The following TMC6 variants were observed in gnomAD, a reference collection of about 807,000 sequenced individuals.
TMC6 encodes transmembrane channel-like protein 6.
Under a neutral mutation model 95.4 loss-of-function variants are expected in TMC6, and 71 were observed. The ratio of observed to expected loss-of-function variants is 0.74; its 90% CI spans 0.61 to 0.91. The LOEUF (loss-of-function observed/expected upper bound fraction) is 0.91. Among genes scored for constraint, TMC6 ranks in the 40% least tolerant of loss-of-function variants. TMC6 has a pLI of 0.00. For missense variants in TMC6, 1,074 were observed against 1,079.1 expected (o/e 1.00, Z 0.07); for synonymous variants, 514 against 483.1 (o/e 1.06, Z -0.84).
Position 78,124,727 on chromosome 17 carries a change from A to G in TMC6, c.688T>C (p.Trp230Arg). 1 of 1,591,048 alleles carries G rather than the reference A, an allele frequency of 6.3e-7. No homozygotes were observed. Among genetic ancestry groups the G allele is most frequent in the Non-Finnish European group, 8.6e-7 (1 of 1,169,358 alleles). Residue 230 changes from tryptophan (W) to arginine (R), a missense_variant, in exon 8 of 20, where the codon TGG (tryptophan) becomes CGG (arginine). Trp to Arg is a moderately radical substitution (Grantham distance 101). Coordinates refer to ENST00000590602, the MANE Select transcript of TMC6 (RefSeq NM_001127198.5). ...CCGATGCGCTTCAGGGCGTAGCGCC[A>G]CGGCATCAGGGCCTGCAGGGCGGAG... The part of the protein sequence containing the change: ...LLSALQALMP[W>R]RYALKRIGGQ...
At chr17:78,120,607 C>T (rs2074365370) in intron 13 of TMC6, 46 bp downstream of exon 13, 3 of 1,612,672 alleles carry the variant, frequency 1.9e-6, no homozygotes, top group Non-Finnish European at 2.5e-6. Flanking sequence ...GTCCCGGCCA[C>T]TAAGGGGAGA....
rs2073758749 is a variant in TMC6, at chr17:78,108,742, C to G, written c.*4406G>C. ...TTTCCACCCATGGGTGAAAAAGAGG[C>G]TTGAGGAAGACAACAGGTTCTTCAC... is the stretch of plus-strand genomic sequence containing the variant. On this transcript the variant is annotated 3_prime_UTR_variant, in exon 20 of 20. Coordinates refer to ENST00000590602, the MANE Select transcript of TMC6 (RefSeq NM_001127198.5). The G allele has an allele frequency of 6.5e-6, 1 of 153,426 alleles. No homozygotes were observed. The highest frequency in any genetic ancestry group is 2.1e-4 in the South Asian group (1 of 4,874). The allele number at this position is 153,426 out of a possible 1,614,324, so 9.5% of individuals were successfully genotyped here. A position where few individuals can be genotyped will look rare whatever the true frequency, so the allele number is the denominator to read the frequency against.
chr17:78,123,862 T>G, intron 9 of TMC6, 127 bp downstream of exon 9: 1 of 1,263,446 alleles, frequency 7.9e-7, no homozygotes, highest in East Asian at 2.5e-5. Context: ...GATAGGTGAG[T>G]GGATGAGAGC....
At chr17:78,131,934 C>A, upstream of TMC6, 1 of 1,504,158 alleles carries the variant, frequency 6.6e-7, no homozygotes, top group Non-Finnish European at 8.8e-7. Flanking sequence ...GCGGTGGCAG[C>A]GCCGGCGGCA....
Position 78,117,899 on chromosome 17 carries a change from G to A in TMC6, c.1924C>T (p.Pro642Ser). Reference protein sequence around the residue: ...LLANCQAPRRPWLASHMSTVF... With the variant: ...LLANCQAPRRSWLASHMSTVF... ...GTGCTCATGTGTGAGGCCAGCCAGG[G>A]CCGGCGCGGCGCCTGGCAGTTGGCC... Residue 642 changes from proline (P) to serine (S), a missense_variant, in exon 16 of 20, where the codon CCC (proline) becomes TCC (serine). Pro to Ser is a moderately conservative substitution (Grantham distance 74). Coordinates refer to ENST00000590602, the MANE Select transcript of TMC6 (RefSeq NM_001127198.5). The A allele has an allele frequency of 6.2e-7, 1 of 1,604,978 alleles. No individual in the cohort carries two copies. Among genetic ancestry groups the A allele is most frequent in the East Asian group, 2.2e-5 (1 of 44,566 alleles).
In TMC6 at chr17:78,108,821, C is replaced by A. The variant is rs1271774671; in HGVS notation, c.*4327G>T. The A allele has an allele frequency of 6.6e-6, 1 of 152,000 alleles. No individual in the cohort carries two copies. Among genetic ancestry groups the A allele is most frequent in the Admixed American group, 6.6e-5 (1 of 15,264 alleles). 9.4% of individuals were successfully genotyped at this position (152,000 alleles called of 1,614,324 possible). On this transcript the variant is annotated 3_prime_UTR_variant, in exon 20 of 20. Coordinates refer to ENST00000590602, the MANE Select transcript of TMC6 (RefSeq NM_001127198.5). ...GTTTATTAAATTTTTTTTTAAATGG[C>A]AGTTTCAGACCTGCCCTTTGTGGTT...
In TMC6 at chr17:78,125,762, C is replaced by T. The variant is rs746535494; in HGVS notation, c.394G>A (p.Asp132Asn). 22 of 1,568,290 alleles carry T rather than the reference C, an allele frequency of 1.4e-5. No homozygotes were observed. The highest frequency in any genetic ancestry group is 3.7e-5 in the Admixed American group (2 of 54,062). The stretch of plus-strand genomic sequence containing the variant: ...AGGGCCGTGGGGTCCAGCTCCAGGT[C>T]GTACAGGCGGAGGCTGGGCCAGGCG... ...RSAWPSLRLY[D>N]LELDPTALEE... Residue 132 changes from aspartate (D) to asparagine (N), a missense_variant, in exon 5 of 20, where the codon GAC becomes AAC. Transcript: ENST00000590602.
Position 78,122,146 on chromosome 17 carries a change from G to T in TMC6, c.1228-435C>A, listed in dbSNP as rs988376460. Among the ~76,000 whole-genome samples the T allele has an allele frequency of 6.6e-6, 1 of 152,144 alleles. No homozygotes were observed. Among genetic ancestry groups the T allele is most frequent in the African/African-American group, 2.4e-5 (1 of 41,448 alleles). ...ACAGAACCCCAGAAAGGCAGAGAAT[G>T]TTCCACGAGGCCCGGCTCTGCAGCC... is the stretch of plus-strand genomic sequence containing the variant. On this transcript the variant is annotated intron_variant, in intron 10 of 19. Coordinates refer to ENST00000590602, the MANE Select transcript of TMC6 (RefSeq NM_001127198.5). The surrounding 1 kb of genome is among the most constrained non-coding windows in gnomAD (Gnocchi z 4.9).
Position 78,123,644 on chromosome 17 carries a change from G to A in TMC6, c.1082+345C>T, listed in dbSNP as rs554526118. 6.3e-5 allele frequency among the ~76,000 whole-genome samples: 9 copies of A among 143,106 alleles called. No homozygotes were observed. The East Asian group carries it at 1.6e-3, about 25-fold the overall frequency. 93.9% of individuals were successfully genotyped at this position (143,106 alleles called of 152,430 possible). On this transcript the variant is annotated intron_variant, in intron 9 of 19. Coordinates refer to ENST00000590602, the MANE Select transcript of TMC6 (RefSeq NM_001127198.5). ...GGATGGGTGGATGGGTGGGTGAACT[G>A]ATTGGGTGAATGGGTGGGTAGATGG...
chr17:78,132,228 G>A (rs1173310484), upstream of TMC6: 2 of 1,388,822 alleles, frequency 1.4e-6, no homozygotes, highest in Admixed American at 3.9e-5. Context: ...ACTGTCAGCG[G>A]TACCTCCGGA....
chr17:78,130,992 G>A (rs1019300036), upstream of TMC6: 10 of 174,552 alleles, frequency 5.7e-5, no homozygotes, highest in South Asian at 5.6e-4. Context: ...TCAGGGGCTC[G>A]CGGGGTACCT....
Position 78,126,349 on chromosome 17 carries a change from G to T in TMC6, c.199C>A (p.Leu67Ile). 6.3e-7 allele frequency: 1 copy of T among 1,586,956 alleles called. No individual in the cohort carries two copies. ...REVTGSSQQT[L>I]WRPEGTQSTA... ...CTCTGGGTGCCCTCGGGCCGCCAGAGTGTCTGCTGGCTACTTCCTACAAAG... is the reference window on the plus strand; with the variant it reads ...CTCTGGGTGCCCTCGGGCCGCCAGATTGTCTGCTGGCTACTTCCTACAAAG... Residue 67 changes from leucine to isoleucine, a missense_variant, in exon 4 of 20, where the codon CTC becomes ATC. By Grantham distance (5) the Leu-to-Ile change is conservative. Transcript: ENST00000590602.
rs773760584 is a variant in TMC6 at position 78,124,998 on chromosome 17, G to C, written c.537-13C>G. On this transcript the variant is annotated splice_polypyrimidine_tract_variant and intron_variant, in intron 6 of 19. Coordinates refer to ENST00000590602, the MANE Select transcript of TMC6 (RefSeq NM_001127198.5). ...CCTGCTCTTCTCTCTGGGGACAGAG[G>C]CAGCCATAGGTGCCTGGACCAATGA... 1 of 1,574,866 alleles carries C rather than the reference G, an allele frequency of 6.3e-7. No homozygotes were observed. Among genetic ancestry groups the C allele is most frequent in the Non-Finnish European group, 8.6e-7 (1 of 1,163,804 alleles).
In TMC6 at chr17:78,120,649, T is replaced by G. The variant is rs746682799; in HGVS notation, c.1715+4A>C. The G allele has an allele frequency of 6.2e-7, 1 of 1,613,744 alleles. No homozygotes were observed. Among genetic ancestry groups the G allele is most frequent in the Non-Finnish European group, 8.5e-7 (1 of 1,179,944 alleles). The stretch of plus-strand genomic sequence containing the variant: ...ACCACCCAGTCCGCCCAGGACCCCC[T>G]CACCTCCACACCAGTTCCCCAAAAA... On this transcript the variant is annotated splice_donor_region_variant and intron_variant, in intron 13 of 19. Transcript: ENST00000590602.
In TMC6 at chr17:78,120,391, C is replaced by T. The variant is rs541932508; in HGVS notation, c.1715+262G>A. On this transcript the variant is annotated intron_variant, in intron 13 of 19. Transcript: ENST00000590602. ...GCCAGGCTGGTCTCAAACTCCTGACCTCAGGTGATCCACTCACCTCAGCCT... is the reference window on the plus strand; with the variant it reads ...GCCAGGCTGGTCTCAAACTCCTGACTTCAGGTGATCCACTCACCTCAGCCT... The T allele has an allele frequency of 8.4e-5, 47 of 557,036 alleles. No homozygotes were observed. The East Asian group carries it at 1.7e-3, about 21-fold the overall frequency. The allele number at this position is 557,036 out of a possible 1,614,324, so 34.5% of individuals were successfully genotyped here. A position where few individuals can be genotyped will look rare whatever the true frequency, so the allele number is the denominator to read the frequency against.
rs532195778 is a variant in TMC6 at position 78,110,535 on chromosome 17, A to G, written c.*2613T>C. The G allele has an allele frequency of 2.0e-5, 3 of 152,272 alleles. No homozygotes were observed. The highest frequency in any genetic ancestry group is 1.3e-4 in the Admixed American group (2 of 15,300). The allele number at this position is 152,272 out of a possible 1,614,324, so 9.4% of individuals were successfully genotyped here. A position where few individuals can be genotyped will look rare whatever the true frequency, so the allele number is the denominator to read the frequency against. On this transcript the variant is annotated 3_prime_UTR_variant, in exon 20 of 20. Transcript: ENST00000590602. Reference sequence around the variant, plus strand: ...CGCCTCAGCCTCTGGAGCAGCTGCAATTACAGACAGGCGCCACCACCTCCA... The same window carrying G: ...CGCCTCAGCCTCTGGAGCAGCTGCAGTTACAGACAGGCGCCACCACCTCCA...
chr17:78,113,474 C>G (rs1160608770), intron 19 of TMC6, 74 bp downstream of exon 19: 5 of 1,544,510 alleles, frequency 3.2e-6, no homozygotes, highest in Non-Finnish European at 4.5e-6. Context: ...GCCCCAGTGG[C>G]AGCCCTACTG....
In TMC6 at chr17:78,122,864, T is replaced by C; in HGVS notation, c.1083-115A>G. The C allele has an allele frequency of 6.8e-7, 1 of 1,473,754 alleles. No individual in the cohort carries two copies. Among genetic ancestry groups the C allele is most frequent in the Non-Finnish European group, 9.2e-7 (1 of 1,091,314 alleles). 91.3% of individuals were successfully genotyped at this position (1,473,754 alleles called of 1,614,324 possible). A position where few individuals can be genotyped will look rare whatever the true frequency, so the allele number is the denominator to read the frequency against. On this transcript the variant is annotated intron_variant, in intron 9 of 19. Transcript: ENST00000590602. The surrounding 1 kb of genome is among the most constrained non-coding windows in gnomAD (Gnocchi z 4.9). ...GACCCCACCACCCACTCAGGAGCCA[T>C]CTGGGCCCTGACTGGGCCTCCTGCC...
In TMC6 at chr17:78,113,598, G is replaced by A; in HGVS notation, c.2304C>T (p.Ile768=). ...TCTCGTAGATGGAGTGAAGCTTGTT[G>A]ATTAAGAAGATTTTGTCCTCACCCT... The part of the protein sequence containing the change: ...SNEGEDKIFL[I]NKLHSIYERK... Residue 768 remains isoleucine (I), a synonymous_variant, in exon 19 of 20, where the codon ATC becomes ATT. Coordinates refer to ENST00000590602, the MANE Select transcript of TMC6 (RefSeq NM_001127198.5). 1.2e-6 allele frequency: 2 copies of A among 1,613,846 alleles called. No homozygotes were observed. The highest frequency in any genetic ancestry group is 1.1e-5 in the South Asian group (1 of 91,082).
Sources: gnomAD v4.1 joint callset for allele counts (sites outside exome capture counted in the v4.1 genomes callset) on GRCh38, gnomAD v4.1.1 for gene constraint, Gnocchi (gnomAD v3.1) non-coding constraint, MANE v1.5 for transcripts, NCBI Gene and HGNC (gene_info 2026-07-23, HGNC 2026-07-21) for gene names.